SLC1A2: variants seen among roughly 807,000 people sequenced by gnomAD.
SLC1A2 encodes the protein solute carrier family 1 member 2.
SLC1A2 carries 15 observed loss-of-function variants against 48.8 expected under a neutral mutation model. The observed-to-expected ratio is 0.31, with a 90% CI of 0.21 to 0.47. SLC1A2 has a LOEUF of 0.47. Ranked by LOEUF, SLC1A2 falls within the 20% of genes least tolerant of loss-of-function variation. SLC1A2 has a pLI of 0.99. For missense variants in SLC1A2, 502 were observed against 730.5 expected (o/e 0.69, Z 3.61); for synonymous variants, 279 against 272.6 (o/e 1.02, Z -0.23).
intron 7 of SLC1A2, among the ~76,000 whole-genome samples, chr11:35,289,709 T>C (rs1850934718): frequency 6.6e-6 from 1 of 152,212 alleles, no homozygotes; most frequent in African/African-American, 2.4e-5. Flanking sequence ...TGTATTAACT[T>C]GGAGAAGCTA....
At chr11:35,331,497 G>A (rs971360963) in intron 1 of SLC1A2, among the ~76,000 whole-genome samples, 1 of 152,200 alleles carries the variant, frequency 6.6e-6, no homozygotes, top group African/African-American at 2.4e-5. Flanking sequence ...GTGATAAACT[G>A]AGCCATCCAG....
intron 1 of SLC1A2, among the ~76,000 whole-genome samples, chr11:35,413,182 C>T (rs1275203960): frequency 6.6e-6 from 1 of 152,142 alleles, no homozygotes; most frequent in Non-Finnish European, 1.5e-5. Flanking sequence ...CAGACTGTGC[C>T]CAACCTGAAA....
chr11:35,392,371 C>T (rs751923400), intron 1 of SLC1A2: 2 of 152,252 alleles, frequency 1.3e-5, no homozygotes, highest in Non-Finnish European at 2.9e-5. Flanking sequence ...AGGACTCGGA[C>T]GGGGAGGGCA....
intron 7 of SLC1A2, among the ~76,000 whole-genome samples, chr11:35,290,898 A>G (rs1305897121): frequency 6.6e-6 from 1 of 152,148 alleles, no homozygotes; most frequent in Non-Finnish European, 1.5e-5. Context: ...TCCATTTTCT[A>G]CTAGCACTGA....
At chr11:35,318,894 A>G (rs1851969057) in intron 1 of SLC1A2, among the ~76,000 whole-genome samples, 1 of 152,256 alleles carries the variant, frequency 6.6e-6, no homozygotes, top group South Asian at 2.1e-4. Context: ...ACTCAGAGTT[A>G]AGACCTGGAA....
intron 1 of SLC1A2, chr11:35,322,785 C>T (rs867956306): frequency 2.7e-5 from 20 of 744,188 alleles, no homozygotes; most frequent in South Asian, 2.6e-4. Flanking sequence ...AGCTCGAGCA[C>T]CAAGAACCAG....
At chr11:35,358,153 A>G (rs1047740310) in intron 1 of SLC1A2, among the ~76,000 whole-genome samples, 3 of 151,992 alleles carry the variant, frequency 2.0e-5, no homozygotes, top group East Asian at 3.8e-4. Flanking sequence ...AAAAAAAAAA[A>G]GGGAGGTGGG....
chr11:35,344,400 C>T (rs1287312552), intron 1 of SLC1A2, among the ~76,000 whole-genome samples: 2 of 152,136 alleles, frequency 1.3e-5, no homozygotes, highest in Non-Finnish European at 2.9e-5. Context: ...ACAGCAAGTG[C>T]AAAGGCCTGA....
chr11:35,298,113 G>A (rs907833776), intron 6 of SLC1A2: 3 of 152,072 alleles, frequency 2.0e-5, no homozygotes, highest in African/African-American at 7.2e-5. Context: ...TTGGTAAATG[G>A]GTTAACAAAA....
intron 1 of SLC1A2, among the ~76,000 whole-genome samples, chr11:35,320,052 A>C (rs1463848779): frequency 6.6e-6 from 1 of 152,248 alleles, no homozygotes; most frequent in Non-Finnish European, 1.5e-5. Context: ...CTAACTAATC[A>C]CTACGTCTCC....
intron 1 of SLC1A2, 123 bp from the exon 2 acceptor site, chr11:35,317,639 AAAGT>A (rs1851927368): frequency 3.3e-6 from 4 of 1,214,804 alleles, no homozygotes; most frequent in Non-Finnish European, 4.6e-6. Context: ...CAGGAAAATA[AAAGT>A]AAGTGTGACT....
chr11:35,381,831 T>G (rs1253968655), intron 1 of SLC1A2, among the ~76,000 whole-genome samples: 2 of 152,214 alleles, frequency 1.3e-5, no homozygotes, highest in African/African-American at 2.4e-5. Flanking sequence ...TTTATTGTCT[T>G]TCCCAGAAAC....
chr11:35,297,092 G>T (rs542824189), intron 6 of SLC1A2, among the ~76,000 whole-genome samples: 2 of 152,078 alleles, frequency 1.3e-5, no homozygotes, highest in Non-Finnish European at 2.9e-5. Flanking sequence ...TCAGTTAGGC[G>T]TCTGAACCTT....
At chr11:35,337,465 G>C (rs180944237) in intron 1 of SLC1A2, among the ~76,000 whole-genome samples, 8 of 152,272 alleles carry the variant, frequency 5.3e-5, no homozygotes, top group African/African-American at 1.4e-4. Context: ...ACACATGCTA[G>C]TCACAAATCA....
chr11:35,356,693 G>T (rs1208869555), intron 1 of SLC1A2, among the ~76,000 whole-genome samples: 1 of 152,182 alleles, frequency 6.6e-6, no homozygotes. Context: ...GACTAAGCAG[G>T]TGAATGGCAT....
intron 1 of SLC1A2, among the ~76,000 whole-genome samples, chr11:35,325,143 G>T (rs1379714694): frequency 2.6e-5 from 4 of 152,186 alleles, no homozygotes. Flanking sequence ...TTGAGCCGGG[G>T]CAACTTGGCC....
At chr11:35,398,662 A>C (rs1855046909) in intron 1 of SLC1A2, among the ~76,000 whole-genome samples, 3 of 152,198 alleles carry the variant, frequency 2.0e-5, no homozygotes, top group Admixed American at 2.0e-4. Flanking sequence ...TTGGACCTAA[A>C]ATAAAAGTTG....
chr11:35,402,472 A>G (rs188261309), intron 1 of SLC1A2, among the ~76,000 whole-genome samples: 240 of 152,258 alleles, frequency 1.6e-3, no homozygotes, highest in Non-Finnish European at 2.9e-3. Context: ...ACCTTGCCCT[A>G]TGCATCTCTT....
At chr11:35,332,627 A>G (rs747065306) in intron 1 of SLC1A2, among the ~76,000 whole-genome samples, 18 of 152,168 alleles carry the variant, frequency 1.2e-4, no homozygotes, top group Non-Finnish European at 2.2e-4. Flanking sequence ...TCTGGACTCA[A>G]ATATATTCTA....
Sources: allele counts gnomAD v4.1 joint callset (sites outside exome capture counted in the v4.1 genomes callset), GRCh38; gene constraint gnomAD v4.1.1; transcripts MANE v1.5; gene names NCBI Gene and HGNC (gene_info 2026-07-23, HGNC 2026-07-21).